The following RANBP17 variants were observed in gnomAD, a reference collection of about 807,000 sequenced individuals.
RANBP17 encodes ran-binding protein 17.
Under a neutral mutation model 141.2 loss-of-function variants are expected in RANBP17, and 158 were observed. The observed-to-expected ratio is 1.12, with a 90% CI of 0.98 to 1.28. The LOEUF is 1.28. RANBP17 is among the 50% of genes most tolerant of loss of function. RANBP17 has a pLI of 0.00. For missense variants in RANBP17, 1,438 were observed against 1,290.7 expected, an observed-to-expected ratio of 1.11 and a Z score of -1.75; for synonymous variants, 430 against 450.0, an observed-to-expected ratio of 0.96 and a Z score of 0.56.
intron 21 of RANBP17, among the ~76,000 whole-genome samples, chr5:171,221,471 G>A (rs1763552542): frequency 6.6e-6 from 1 of 151,982 alleles, no homozygotes; most frequent in African/African-American, 2.4e-5. Context: ...TGAAAGAAGG[G>A]GCAAGAAATC....
At chr5:171,125,691 AT>A (rs1429731026) in intron 14 of RANBP17, among the ~76,000 whole-genome samples, 36 of 152,312 alleles carry the variant, frequency 2.4e-4, no homozygotes, top group African/African-American at 8.2e-4. Flanking sequence ...TTTACAGAAC[AT>A]TTAGCCCAAT....
At chr5:170,972,759 C>G (rs886204248) in intron 14 of RANBP17, among the ~76,000 whole-genome samples, 2 of 152,016 alleles carry the variant, frequency 1.3e-5, no homozygotes, top group African/African-American at 4.8e-5. Flanking sequence ...TTAAGCTTTA[C>G]TAGATATTAT....
At position 170,937,735 on chromosome 5, in the gene RANBP17, A is replaced by G; in HGVS notation, c.1468+13185A>G. On this transcript the variant is annotated intron_variant, in intron 12 of 27. Coordinates refer to ENST00000523189, the MANE Select transcript of RANBP17 (RefSeq NM_022897.5). ...CTGTTTTTGTTTTGACTGATGACAC[A>G]TGACAATCTTTTGTCATTTCAGATT... 1.3e-5 allele frequency among the ~76,000 whole-genome samples: 2 copies of G among 152,190 alleles called. 1 individual carries two copies. Among genetic ancestry groups the G allele is most frequent in the Non-Finnish European group, 2.9e-5 (2 of 68,028 alleles).
rs1043092669 is a variant in RANBP17 at position 171,100,390 on chromosome 5, A to C, written c.1711-69740A>C. Among the ~76,000 whole-genome samples, 9 of 152,302 alleles carry C rather than the reference A, an allele frequency of 5.9e-5. No homozygotes were observed. In the South Asian group the frequency reaches 1.9e-3, roughly 32 times the overall value. ...TAGATTTTCTAGTTTATTTGCATAC[A>C]GGTGTTTATAGTATTATCTGATGGT... On this transcript the variant is annotated intron_variant, in intron 14 of 27. Transcript: ENST00000523189.
rs1721003680 is a variant in RANBP17 at position 171,290,523 on chromosome 5, A to G, written c.2944-3360A>G. On this transcript the variant is annotated intron_variant, in intron 25 of 27. Transcript: ENST00000523189. ...TGAACAGAGATACAGATCACACAAC[A>G]TTGCTTTGTTTTACTTTTCCAGGTC... 4.6e-5 allele frequency among the ~76,000 whole-genome samples: 7 copies of G among 152,228 alleles called. No individual in the cohort carries two copies. The South Asian group carries it at 1.4e-3, about 32-fold the overall frequency.
intron 14 of RANBP17, among the ~76,000 whole-genome samples, chr5:171,130,878 G>A (rs1054940447): frequency 6.6e-6 from 1 of 152,044 alleles, no homozygotes. Context: ...GCTACTTTTG[G>A]TGAATAGAAA....
intron 23 of RANBP17, among the ~76,000 whole-genome samples, chr5:171,241,690 A>G (rs1302634617): frequency 6.6e-6 from 1 of 152,214 alleles, no homozygotes; most frequent in African/African-American, 2.4e-5. Context: ...CTCATCAAAG[A>G]GTTACTTCAC....
chr5:171,023,432 CAT>C (rs776631458), intron 14 of RANBP17, among the ~76,000 whole-genome samples: 6 of 152,142 alleles, frequency 3.9e-5, no homozygotes, highest in East Asian at 1.9e-4. Flanking sequence ...ATTTTTGTCA[CAT>C]GTGTGCTATT....
At chr5:171,266,184 C>T (rs1030288231) in intron 25 of RANBP17, among the ~76,000 whole-genome samples, 2 of 152,148 alleles carry the variant, frequency 1.3e-5, no homozygotes. Flanking sequence ...CTGATAATGT[C>T]ATCTTAAGTT....
At chr5:171,154,120 A>T (rs74291540) in intron 14 of RANBP17, among the ~76,000 whole-genome samples, 9,729 of 138,170 alleles carry the variant, frequency 0.07, 436 homozygotes, top group African/African-American at 0.12. Context: ...TTTTTTTTTT[A>T]ACCAAATTAA....
intron 25 of RANBP17, among the ~76,000 whole-genome samples, chr5:171,268,265 G>A (rs1292663168): frequency 2.0e-5 from 3 of 152,102 alleles, no homozygotes; most frequent in African/African-American, 7.2e-5. Context: ...AAATTCAAGG[G>A]GAGGGAGTAT....
intron 14 of RANBP17, among the ~76,000 whole-genome samples, chr5:171,017,486 G>C (rs777827008): frequency 1.0e-3 from 156 of 152,258 alleles, no homozygotes; most frequent in Non-Finnish European, 1.5e-3. Context: ...GATTTGATGT[G>C]CATTTCTCTG....
intron 25 of RANBP17, among the ~76,000 whole-genome samples, chr5:171,266,514 G>T (rs1766694518): frequency 6.6e-6 from 1 of 152,112 alleles, no homozygotes; most frequent in East Asian, 1.9e-4. Flanking sequence ...ATATTGCAAG[G>T]TGCAGTACCT....
intron 16 of RANBP17, among the ~76,000 whole-genome samples, chr5:171,182,592 A>G (rs1327850656): frequency 2.0e-5 from 3 of 152,210 alleles, no homozygotes; most frequent in Admixed American, 2.0e-4. Context: ...TGTGAAGATT[A>G]GGTGAATTAA....
intron 13 of RANBP17, 123 bp from the exon 14 acceptor site, chr5:170,968,119 A>G (rs965495794): frequency 7.7e-6 from 5 of 648,958 alleles, no homozygotes; most frequent in African/African-American, 5.7e-5. Context: ...TTTTCTTTAT[A>G]TTTTTTTATT....
intron 14 of RANBP17, among the ~76,000 whole-genome samples, chr5:171,070,369 C>T (rs1437745151): frequency 6.6e-6 from 1 of 152,118 alleles, no homozygotes; most frequent in Non-Finnish European, 1.5e-5. Context: ...AAAATGTATT[C>T]TCTTACTTGG....
At chr5:170,972,975 CTT>C (rs1777101260) in intron 14 of RANBP17, among the ~76,000 whole-genome samples, 1 of 152,128 alleles carries the variant, frequency 6.6e-6, no homozygotes, top group Admixed American at 6.5e-5. Flanking sequence ...TATGATGAAA[CTT>C]TGCCTACCTT....
At chr5:171,201,911 GTTC>G (rs1561758931) in intron 19 of RANBP17, among the ~76,000 whole-genome samples, 2 of 152,086 alleles carry the variant, frequency 1.3e-5, no homozygotes, top group Non-Finnish European at 2.9e-5. Flanking sequence ...TTTCTGTTTT[GTTC>G]TTCAATAAAG....
At chr5:171,294,478 T>C (rs1350845419) in intron 26 of RANBP17, among the ~76,000 whole-genome samples, 1 of 152,116 alleles carries the variant, frequency 6.6e-6, no homozygotes, top group Non-Finnish European at 1.5e-5. Flanking sequence ...CTCTCCAGCT[T>C]CCTCTTGAAC....
Sources: gnomAD v4.1 joint callset for allele counts (sites outside exome capture counted in the v4.1 genomes callset) on GRCh38, gnomAD v4.1.1 for gene constraint, MANE v1.5 for transcripts, NCBI Gene and HGNC (gene_info 2026-07-23, HGNC 2026-07-21) for gene names.